The following TPH2 variants were observed in gnomAD, a reference collection of about 807,000 sequenced individuals.
TPH2 encodes tryptophan 5-hydroxylase 2.
TPH2 carries 27 observed loss-of-function variants against 59.1 expected under a neutral mutation model. The ratio of observed to expected loss-of-function variants is 0.46; its 90% CI spans 0.34 to 0.63. TPH2 has a LOEUF of 0.63. Ranked by LOEUF, TPH2 falls within the 30% of genes least tolerant of loss-of-function variation. TPH2 has a pLI of 0.01. For synonymous variants in TPH2, 220 were observed against 210.5 expected (o/e 1.05, Z -0.39); for missense variants, 523 against 588.3 (o/e 0.89, Z 1.15).
At chr12:72,026,778 T>G (rs1156992574) in intron 9 of TPH2, among the ~76,000 whole-genome samples, 1 of 152,208 alleles carries the variant, frequency 6.6e-6, no homozygotes, top group Non-Finnish European at 1.5e-5. Context: ...TTCAAATTGG[T>G]GAAGCCTAAT....
At chr12:72,011,726 A>G (rs1873104163) in intron 8 of TPH2, among the ~76,000 whole-genome samples, 2 of 152,202 alleles carry the variant, frequency 1.3e-5, no homozygotes, top group African/African-American at 2.4e-5. Context: ...GAAGGAGACC[A>G]GAGACCACTT....
chr12:71,974,508 C>A (rs970500525), intron 6 of TPH2, among the ~76,000 whole-genome samples: 2 of 144,438 alleles, frequency 1.4e-5, no homozygotes, highest in African/African-American at 5.0e-5. Flanking sequence ...CTGACTCTGA[C>A]CCTTCTGCCT....
At chr12:72,004,521 T>C (rs1338630199) in intron 8 of TPH2, among the ~76,000 whole-genome samples, 1 of 138,926 alleles carries the variant, frequency 7.2e-6, no homozygotes, top group Non-Finnish European at 1.6e-5. Flanking sequence ...AAAGTCCTGA[T>C]ATTGCGGACT....
chr12:71,988,362 A>C (rs937379098), intron 7 of TPH2, among the ~76,000 whole-genome samples: 1 of 152,168 alleles, frequency 6.6e-6, no homozygotes, highest in Admixed American at 6.5e-5. Context: ...TTGTAAAGAA[A>C]AGGGGTTTAA....
intron 5 of TPH2, among the ~76,000 whole-genome samples, chr12:71,968,262 C>G (rs1403621599): frequency 6.6e-6 from 1 of 152,206 alleles, no homozygotes; most frequent in African/African-American, 2.4e-5. Flanking sequence ...CAGTGACATA[C>G]CATAGCTGGG....
intron 4 of TPH2, 31 bp from the exon 5 acceptor site, chr12:71,949,557 G>A (rs765389179): frequency 1.0e-5 from 16 of 1,590,864 alleles, no homozygotes; most frequent in Non-Finnish European, 1.4e-5. Context: ...TCAGCACTTT[G>A]TTAAATAACT....
At chr12:71,977,010 A>C (rs1000640719) in intron 6 of TPH2, among the ~76,000 whole-genome samples, 2 of 152,176 alleles carry the variant, frequency 1.3e-5, no homozygotes, top group African/African-American at 4.8e-5. Flanking sequence ...AAAGAGTACA[A>C]AGTTGCAGTT....
chr12:71,964,770 T>G, intron 5 of TPH2: 11 of 985,094 alleles, frequency 1.1e-5, no homozygotes, highest in Non-Finnish European at 1.1e-5. Context: ...ATAAATTTTG[T>G]GATGATGAAT....
chr12:71,997,267 G>T (rs1872715362), intron 8 of TPH2, among the ~76,000 whole-genome samples: 1 of 152,096 alleles, frequency 6.6e-6, no homozygotes, highest in South Asian at 2.1e-4. Flanking sequence ...GCTTCTAACG[G>T]CTTCTATGAT....
intron 5 of TPH2, among the ~76,000 whole-genome samples, chr12:71,967,227 CCTT>C (rs1205266229): frequency 2.6e-5 from 4 of 152,202 alleles, no homozygotes; most frequent in African/African-American, 7.2e-5. Context: ...ACTTTCCACT[CCTT>C]CTTCTCTGCA....
chr12:71,952,480 G>T (rs1871376837), intron 5 of TPH2, among the ~76,000 whole-genome samples: 2 of 152,098 alleles, frequency 1.3e-5, no homozygotes, highest in African/African-American at 4.8e-5. Context: ...ACCCTCATAG[G>T]ACTCACAAAA....
chr12:72,008,485 G>A lies in TPH2; in HGVS notation c.1069-13914G>A, dbSNP rs115763984. On this transcript the variant is annotated intron_variant, in intron 8 of 10. Transcript: ENST00000333850. ...GAGTTATAGCTCTTACGTTTATTTA[G>A]CATCTGACATATGTTCATTCATGTG... is the stretch of plus-strand genomic sequence containing the variant. Among the ~76,000 whole-genome samples the A allele has an allele frequency of 7.0e-3, 1,071 of 152,236 alleles. 17 individuals carry two copies. Among genetic ancestry groups the A allele is most frequent in the African/African-American group, 0.024 (1,005 of 41,532 alleles).
intron 7 of TPH2, among the ~76,000 whole-genome samples, chr12:71,990,241 AT>A (rs1338172835): frequency 2.0e-5 from 3 of 152,234 alleles, no homozygotes; most frequent in African/African-American, 7.2e-5. Context: ...GAACCTGTTC[AT>A]AATTAGATAC....
At chr12:72,001,638 G>A (rs1417630962) in intron 8 of TPH2, among the ~76,000 whole-genome samples, 4 of 151,980 alleles carry the variant, frequency 2.6e-5, no homozygotes, top group Admixed American at 1.3e-4. Flanking sequence ...GGCTGGTCTC[G>A]AACTCCTAAC....
At chr12:71,950,412 G>T (rs1207246143) in intron 5 of TPH2, among the ~76,000 whole-genome samples, 2 of 152,086 alleles carry the variant, frequency 1.3e-5, no homozygotes, top group Non-Finnish European at 2.9e-5. Context: ...TCAAAGGGGG[G>T]TTGTTCTCTG....
chr12:72,011,943 G>A (rs1456776243), intron 8 of TPH2, among the ~76,000 whole-genome samples: 2 of 152,150 alleles, frequency 1.3e-5, no homozygotes, highest in African/African-American at 4.8e-5. Context: ...ACCTATAAGT[G>A]AAAACCACTT....
rs1425174744 is a variant in TPH2 at position 71,994,570 on chromosome 12, G to A, written c.1068+5G>A. 4 of 1,613,560 alleles carry A rather than the reference G, an allele frequency of 2.5e-6. No homozygotes were observed. The African/African-American group carries it at 4.0e-5, about 16-fold the overall frequency. On this transcript the variant is annotated splice_donor_5th_base_variant and intron_variant, in intron 8 of 10. Transcript: ENST00000333850. ...GATGTTCAGAAACTAGCCACGGTGA[G>A]TTCATTTTCAACTTAAAACCAGTGC...
intron 2 of TPH2, among the ~76,000 whole-genome samples, chr12:71,943,290 T>C (rs142070191): frequency 1.3e-5 from 2 of 152,328 alleles, no homozygotes; most frequent in African/African-American, 4.8e-5. Flanking sequence ...ATCCTGTTCC[T>C]ATGCTGAAAA....
chr12:71,981,717 GGAAGA>G (rs1872282457), intron 7 of TPH2, among the ~76,000 whole-genome samples: 1 of 151,972 alleles, frequency 6.6e-6, no homozygotes, highest in Non-Finnish European at 1.5e-5. Context: ...AAGCTTGGAG[GGAAGA>G]GAAAAGGAAA....
Sources: allele counts gnomAD v4.1 joint callset (sites outside exome capture counted in the v4.1 genomes callset), GRCh38; gene constraint gnomAD v4.1.1; transcripts MANE v1.5; gene names NCBI Gene and HGNC (gene_info 2026-07-23, HGNC 2026-07-21).